The following MCCC2 variants were observed in gnomAD, a reference collection of about 807,000 sequenced individuals.
MCCC2 encodes the protein methylcrotonoyl-CoA carboxylase beta chain, mitochondrial.
A neutral mutation model predicts 77.2 loss-of-function variants in MCCC2; 52 were observed. That is an observed-to-expected ratio of 0.67 (90% CI 0.54 to 0.85). The LOEUF (loss-of-function observed/expected upper bound fraction) is 0.85. MCCC2 is among the 40% of genes least tolerant of loss of function. MCCC2 has a pLI of 0.00. For synonymous variants in MCCC2, 253 were observed against 248.4 expected (o/e 1.02, Z -0.18); for missense variants, 682 against 703.2 (o/e 0.97, Z 0.34).
At chr5:71,645,843 T>C (rs1223798042) in intron 12 of MCCC2, among the ~76,000 whole-genome samples, 1 of 152,196 alleles carries the variant, frequency 6.6e-6, no homozygotes, top group East Asian at 1.9e-4. Context: ...ATCCTATTGA[T>C]AATGGAGTAG....
rs57752705 is a variant in MCCC2, at chr5:71,633,130, TA to T, written c.803+946del. Among the ~76,000 whole-genome samples the T allele has an allele frequency of 4.5e-3, 416 of 93,028 alleles. 17 individuals are homozygous for T. The highest frequency in any genetic ancestry group is 5.0e-3 in the Non-Finnish European group (235 of 47,134). The allele number at this position is 93,028 out of a possible 152,430, so 61.0% of individuals were successfully genotyped here. Reference sequence around the variant, plus strand: ...ATATATATATATATATATATATATATATTTTTATTTTTTGTAGAAACAGGTG... The same window carrying T: ...ATATATATATATATATATATATATATTTTTTATTTTTTGTAGAAACAGGTG... On this transcript the variant is annotated intron_variant, in intron 8 of 16. Transcript: ENST00000340941.
In MCCC2 at chr5:71,634,945, A is replaced by C; in HGVS notation, c.806A>C (p.Lys269Thr). ...DLGGADLHCR[K>T]SGVSDHWALD... is the part of the protein sequence containing the mutation. ...AGTTTAGTTTGCTTATTCTGTAGAA[A>C]GTCTGGAGTAAGTGACCACTGGGCT... The change falls in exon 9 of 17, where the codon AAG becomes ACG. Residue 269 changes from lysine (K) to threonine (T), a missense_variant and splice_region_variant. Lys to Thr is a moderately conservative substitution (Grantham distance 78, BLOSUM62 -1). Transcript: ENST00000340941. The C allele has an allele frequency of 6.2e-7, 1 of 1,613,954 alleles. No individual in the cohort carries two copies. Among genetic ancestry groups the C allele is most frequent in the Non-Finnish European group, 8.5e-7 (1 of 1,179,922 alleles).
intron 6 of MCCC2, among the ~76,000 whole-genome samples, chr5:71,610,243 G>A (rs988197910): frequency 3.3e-5 from 5 of 152,220 alleles, no homozygotes; most frequent in Non-Finnish European, 7.3e-5. Context: ...AGGACCCTCC[G>A]AGCCAGGTGC....
chr5:71,629,519 C>T (rs1204435221), intron 7 of MCCC2, among the ~76,000 whole-genome samples: 1 of 151,986 alleles, frequency 6.6e-6, no homozygotes, highest in African/African-American at 2.4e-5. Flanking sequence ...TTTGTTGCTT[C>T]AAAAATTTGT....
At chr5:71,612,795 T>A (rs1315043364) in intron 6 of MCCC2, among the ~76,000 whole-genome samples, 1 of 152,258 alleles carries the variant, frequency 6.6e-6, no homozygotes, top group African/African-American at 2.4e-5. Context: ...TTGCTCCAGC[T>A]GGTCTTGAAC....
At chr5:71,600,055 C>T (rs1470498551) in intron 4 of MCCC2, among the ~76,000 whole-genome samples, 1 of 151,938 alleles carries the variant, frequency 6.6e-6, no homozygotes, top group African/African-American at 2.4e-5. Context: ...GTCCCAGCTA[C>T]TTGGGAGGCT....
rs139852818 is a variant in MCCC2 at position 71,649,202 on chromosome 5, T to A, written c.1322T>A (p.Ile441Asn). 3 of 1,614,208 alleles carry A rather than the reference T, an allele frequency of 1.9e-6. No individual in the cohort carries two copies. Among genetic ancestry groups the A allele is most frequent in the Non-Finnish European group, 2.5e-6 (3 of 1,180,010 alleles). ...CAQVPKITLI[I>N]GGSYGAGNYG... is the part of the protein sequence containing the mutation. ...CAAGTGCCTAAGATAACCCTCATCA[T>A]TGGGGGCTCCTATGGAGCCGGAAAC... Residue 441 changes from isoleucine to asparagine, a missense_variant, in exon 14 of 17, where the codon ATT becomes AAT. Physicochemically the swap from Ile to Asn is moderately radical, Grantham distance 149. Coordinates refer to ENST00000340941, the MANE Select transcript of MCCC2 (RefSeq NM_022132.5).
intron 11 of MCCC2, 56 bp from the exon 12 acceptor site, chr5:71,643,763 A>C (rs1448442838): frequency 6.2e-7 from 1 of 1,613,784 alleles, no homozygotes; most frequent in Non-Finnish European, 8.5e-7. Context: ...CTTTCTTGTG[A>C]ATTGAAGCCC....
chr5:71,591,712 C>T (rs530526023), intron 1 of MCCC2, among the ~76,000 whole-genome samples: 81 of 152,118 alleles, frequency 5.3e-4, no homozygotes, highest in East Asian at 7.7e-4. Flanking sequence ...GCTGAGATTA[C>T]AGGCGTGAGC....
intron 7 of MCCC2, 31 bp downstream of exon 7, chr5:71,626,784 A>G: frequency 4.4e-6 from 7 of 1,578,750 alleles, no homozygotes; most frequent in Non-Finnish European, 6.1e-6. Flanking sequence ...GTCGATGGAA[A>G]TTAAGTATGC....
intron 11 of MCCC2, 72 bp downstream of exon 11, chr5:71,641,147 A>G (rs1166460466): frequency 1.5e-6 from 2 of 1,306,100 alleles, no homozygotes; most frequent in Non-Finnish European, 2.2e-6. Context: ...TTGTTTCAAG[A>G]CTTTGATACA....
In MCCC2 at chr5:71,603,287, G is replaced by A. The variant is rs527882687; in HGVS notation, c.511+654G>A. On this transcript the variant is annotated intron_variant, in intron 5 of 16. Coordinates refer to ENST00000340941, the MANE Select transcript of MCCC2 (RefSeq NM_022132.5). ...AAAAATTAGCCGAGCGTGGTGGCAG[G>A]CAGCTGTAGTCCCAGCTACTTGGGA... 2.2e-3 allele frequency among the ~76,000 whole-genome samples: 331 copies of A among 151,994 alleles called. 2 individuals are homozygous for A. Among genetic ancestry groups the A allele is most frequent in the African/African-American group, 7.6e-3 (314 of 41,452 alleles).
At chr5:71,591,443 T>G (rs1174953827) in intron 1 of MCCC2, among the ~76,000 whole-genome samples, 1 of 150,060 alleles carries the variant, frequency 6.7e-6, no homozygotes, top group African/African-American at 2.4e-5. Flanking sequence ...TGTTTTTTTT[T>G]TTTTTTTTTT....
At chr5:71,626,778 A>T in intron 7 of MCCC2, 25 bp downstream of exon 7, 1 of 1,588,474 alleles carries the variant, frequency 6.3e-7, no homozygotes, top group Non-Finnish European at 8.6e-7. Flanking sequence ...ACGTTGGTCG[A>T]TGGAAATTAA....
chr5:71,634,940 T>A lies in MCCC2; in HGVS notation c.804-3T>A. ...TGACAAGTTTAGTTTGCTTATTCTG[T>A]AGAAAGTCTGGAGTAAGTGACCACT... On this transcript the variant is annotated splice_region_variant and splice_polypyrimidine_tract_variant and intron_variant, in intron 8 of 16. Coordinates refer to ENST00000340941, the MANE Select transcript of MCCC2 (RefSeq NM_022132.5). 1 of 1,613,762 alleles carries A rather than the reference T, an allele frequency of 6.2e-7. No homozygotes were observed. The highest frequency in any genetic ancestry group is 8.5e-7 in the Non-Finnish European group (1 of 1,179,784).
chr5:71,626,020 A>AT (rs1206382673), intron 6 of MCCC2, among the ~76,000 whole-genome samples: 1 of 152,120 alleles, frequency 6.6e-6, no homozygotes, highest in African/African-American at 2.4e-5. Flanking sequence ...TCTGAGCAAG[A>AT]TTTTTTTAAA....
intron 6 of MCCC2, among the ~76,000 whole-genome samples, chr5:71,604,842 TG>T (rs1327629341): frequency 2.1e-5 from 3 of 144,672 alleles, no homozygotes; most frequent in African/African-American, 7.7e-5. Context: ...TTTGGTTTTT[TG>T]TTCTTGCGAT....
intron 16 of MCCC2, among the ~76,000 whole-genome samples, chr5:71,653,657 G>A (rs773825344): frequency 2.6e-5 from 4 of 151,832 alleles, no homozygotes; most frequent in African/African-American, 4.8e-5. Context: ...CGAAACTAGC[G>A]GGGCAACATG....
intron 1 of MCCC2, among the ~76,000 whole-genome samples, chr5:71,588,558 A>C (rs1295849240): frequency 1.3e-5 from 2 of 152,210 alleles, no homozygotes; most frequent in Non-Finnish European, 2.9e-5. Flanking sequence ...ATGGATGCGT[A>C]GGAATGGAAC....
Sources: gnomAD v4.1 joint callset for allele counts (sites outside exome capture counted in the v4.1 genomes callset) on GRCh38, gnomAD v4.1.1 for gene constraint, MANE v1.5 for transcripts, NCBI Gene and HGNC (gene_info 2026-07-23, HGNC 2026-07-21) for gene names.